BRSK2: variants seen among roughly 807,000 people sequenced by gnomAD.
BRSK2 encodes BR serine/threonine kinase 2, also known as serine/threonine-protein kinase BRSK2.
Under a neutral mutation model 83.3 loss-of-function variants are expected in BRSK2, and 19 were observed. The observed-to-expected ratio is 0.23, with a 90% confidence interval of 0.16 to 0.33. The LOEUF (loss-of-function observed/expected upper bound fraction) is 0.33, where lower values mean the gene tolerates loss of function less well. Among genes scored for constraint, BRSK2 ranks in the 10% least tolerant of loss-of-function variants. The probability of loss-of-function intolerance (pLI) is 1.00; values close to 1 mark genes in which losing one functional copy is unlikely to be tolerated. For synonymous variants in BRSK2, 519 were observed against 435.4 expected (o/e 1.19, Z -2.39); for missense variants, 798 against 1,042.3 (o/e 0.77, Z 3.23).
chr11:1,392,536 TCAGTGG>T (rs1160459655), intron 1 of BRSK2, among the ~76,000 whole-genome samples: 3 of 152,076 alleles, frequency 2.0e-5, no homozygotes, highest in Non-Finnish European at 2.9e-5. Flanking sequence ...AGGGAGGTGG[TCAGTGG>T]CAGTGGCAGT....
At chr11:1,450,200 G>A (rs1443370635) in intron 13 of BRSK2, among the ~76,000 whole-genome samples, 4 of 150,830 alleles carry the variant, frequency 2.7e-5, no homozygotes, top group Admixed American at 6.6e-5. Context: ...CACCCCGCTC[G>A]CTCCCTGCGC....
intron 1 of BRSK2, among the ~76,000 whole-genome samples, chr11:1,427,460 C>T (rs976586262): frequency 6.6e-6 from 1 of 152,182 alleles, no homozygotes; most frequent in Non-Finnish European, 1.5e-5. Context: ...TAGTCTGCTC[C>T]CTGAGGCCCA....
At chr11:1,421,120 T>G (rs1015254690) in intron 1 of BRSK2, among the ~76,000 whole-genome samples, 5 of 152,144 alleles carry the variant, frequency 3.3e-5, no homozygotes, top group African/African-American at 1.2e-4. Flanking sequence ...ACCCTGGGCC[T>G]CCTCCTGGTA....
chr11:1,391,788 A>G (rs995958009), intron 1 of BRSK2, among the ~76,000 whole-genome samples: 2 of 152,100 alleles, frequency 1.3e-5, no homozygotes, highest in Non-Finnish European at 2.9e-5. Context: ...AGATAATCCA[A>G]TTACGGTCCC....
Position 1,442,322 on chromosome 11 carries a change from G to A in BRSK2, c.414-168G>A, listed in dbSNP as rs561344039. 105 of 572,310 alleles carry A rather than the reference G, an allele frequency of 1.8e-4. No individual in the cohort carries two copies. The African/African-American group carries it at 1.9e-3, about 11-fold the overall frequency. The allele number at this position is 572,310 out of a possible 1,614,324, so 35.5% of individuals were successfully genotyped here. ...AGGCCAGAGCCAAACGGACCAGGCA[G>A]GCGACTTCTGATTGGCTGCCTATGA... is the stretch of plus-strand genomic sequence containing the variant. On this transcript the variant is annotated intron_variant, in intron 4 of 19. Coordinates refer to ENST00000528841, the MANE Select transcript of BRSK2 (RefSeq NM_001256627.2).
rs1352267739 is a variant in BRSK2, at chr11:1,424,327, C to T, written c.92-11713C>T. Among the ~76,000 whole-genome samples the T allele has an allele frequency of 5.3e-5, 8 of 152,178 alleles. No homozygotes were observed. The East Asian group carries it at 7.7e-4, about 15-fold the overall frequency. On this transcript the variant is annotated intron_variant, in intron 1 of 19. Coordinates refer to ENST00000528841, the MANE Select transcript of BRSK2 (RefSeq NM_001256627.2). Reference sequence around the variant, plus strand: ...CCCCTACTGCCTCATGTGGGGGGTGCCCCAGCACTGGGTGGGTCTGAGTGT... The same window carrying T: ...CCCCTACTGCCTCATGTGGGGGGTGTCCCAGCACTGGGTGGGTCTGAGTGT...
intron 5 of BRSK2, 119 bp from the exon 6 acceptor site, chr11:1,442,987 G>A (rs895624022): frequency 1.0e-4 from 123 of 1,173,174 alleles, no homozygotes; most frequent in Non-Finnish European, 1.3e-4. Context: ...GGGAATGTGG[G>A]GGCGTCTGGC....
At chr11:1,435,707 C>T (rs528162723) in intron 1 of BRSK2, among the ~76,000 whole-genome samples, 4 of 150,082 alleles carry the variant, frequency 2.7e-5, no homozygotes, top group Admixed American at 1.3e-4. Flanking sequence ...GCAGGCACCT[C>T]GAGGGCACCC....
intron 4 of BRSK2, among the ~76,000 whole-genome samples, chr11:1,441,962 C>T (rs192668531): frequency 5.5e-4 from 37 of 66,688 alleles, no homozygotes; most frequent in Non-Finnish European, 6.0e-4. Context: ...CCGTCCCCCC[C>T]ATTAGCTACC....
At chr11:1,408,241 C>G in intron 1 of BRSK2, among the ~76,000 whole-genome samples, 1 of 152,350 alleles carries the variant, frequency 6.6e-6, no homozygotes, top group African/African-American at 2.4e-5. Context: ...CTGACCAGTT[C>G]CCCTCCCTGT....
intron 1 of BRSK2, among the ~76,000 whole-genome samples, chr11:1,434,218 T>C (rs546025081): frequency 6.6e-6 from 1 of 152,286 alleles, no homozygotes; most frequent in Admixed American, 6.5e-5. Flanking sequence ...AGGCCGAGTC[T>C]GGGTGAAATT....
At chr11:1,449,691 G>GGTTTACCT in intron 12 of BRSK2, 85 bp from the exon 13 acceptor site, 3 of 1,231,072 alleles carry the variant, frequency 2.4e-6, no homozygotes, top group Non-Finnish European at 3.5e-6. Flanking sequence ...CCTCCTGGAG[G>GGTTTACCT]GTTTACCTGG....
At chr11:1,405,668 C>G (rs1473943826) in intron 1 of BRSK2, among the ~76,000 whole-genome samples, 1 of 152,130 alleles carries the variant, frequency 6.6e-6, no homozygotes, top group Non-Finnish European at 1.5e-5. Flanking sequence ...GCTTTGAGGA[C>G]CCAGGGTTGA....
chr11:1,411,301 T>G, intron 1 of BRSK2: 1 of 1,331,954 alleles, frequency 7.5e-7, no homozygotes, highest in African/African-American at 1.5e-5. Context: ...CGCCATGGCC[T>G]GCCCGGGTGG....
In BRSK2 at chr11:1,459,199, T is replaced by G; in HGVS notation, c.1947T>G (p.Thr649=). ...CTCCATTCTGTACTCCAGACACCAC[T>G]AACTGTATGGAAATGATGACGGGGC... ...PPAAQHLSDT[T]NCMEMMTGRL... is the part of the protein sequence containing the mutation. Residue 649 remains threonine, a synonymous_variant, in exon 19 of 20, where the codon ACT becomes ACG. Coordinates refer to ENST00000528841, the MANE Select transcript of BRSK2 (RefSeq NM_001256627.2). The G allele has an allele frequency of 1.2e-6, 2 of 1,613,690 alleles. No homozygotes were observed. The highest frequency in any genetic ancestry group is 1.1e-5 in the South Asian group (1 of 91,076).
intron 1 of BRSK2, among the ~76,000 whole-genome samples, chr11:1,399,650 G>A (rs188629507): frequency 6.6e-6 from 1 of 152,308 alleles, no homozygotes; most frequent in African/African-American, 2.4e-5. Flanking sequence ...AGCTTGTCCT[G>A]CCCGTCCCTC....
At chr11:1,447,964 C>T (rs1852381790) in intron 12 of BRSK2, 1 of 1,181,308 alleles carries the variant, frequency 8.5e-7, no homozygotes. Flanking sequence ...GCGGGCTGGG[C>T]TGCAGGGCTC....
intron 1 of BRSK2, among the ~76,000 whole-genome samples, chr11:1,393,039 A>G (rs1161946094): frequency 6.6e-6 from 1 of 152,034 alleles, no homozygotes; most frequent in Non-Finnish European, 1.5e-5. Context: ...TTGGGGTGGG[A>G]ACCCACCTGC....
chr11:1,403,227 G>A (rs949606802), intron 1 of BRSK2, among the ~76,000 whole-genome samples: 8 of 152,188 alleles, frequency 5.3e-5, no homozygotes, highest in East Asian at 1.9e-4. Context: ...TGCTGTGACC[G>A]GACTGGCCAG....
Sources: allele counts gnomAD v4.1 joint callset (sites outside exome capture counted in the v4.1 genomes callset), GRCh38; gene constraint gnomAD v4.1.1; transcripts MANE v1.5; gene names NCBI Gene and HGNC (gene_info 2026-07-23, HGNC 2026-07-21).